The following ITCH variants were observed in gnomAD, a reference collection of about 807,000 sequenced individuals.
The protein encoded by ITCH is itchy E3 ubiquitin protein ligase.
A neutral mutation model predicts 126.8 loss-of-function variants in ITCH; 28 were observed. The observed-to-expected ratio is 0.22, with a 90% confidence interval of 0.16 to 0.30. The LOEUF is 0.30. Among genes scored for constraint, ITCH ranks in the 10% least tolerant of loss-of-function variants. The pLI, the probability that ITCH is intolerant of heterozygous loss-of-function variation, is 1.00. For synonymous variants in ITCH, 342 were observed against 340.0 expected (o/e 1.01, Z -0.06); for missense variants, 631 against 1,032.4 (o/e 0.61, Z 5.33).
At position 34,440,219 on chromosome 20, in the gene ITCH, G is replaced by A. The variant is rs375751829; in HGVS notation, c.744G>A (p.Pro248=). 14 of 1,613,350 alleles carry A rather than the reference G, an allele frequency of 8.7e-6. No homozygotes were observed. The highest frequency in any genetic ancestry group is 1.3e-5 in the African/African-American group (1 of 74,896). ...ATGGGTCTAGTACAGGCTCTCTGCC[G>A]CCGACAAATACAAATACAAATACAT... ...ESDGSSTGSL[P]PTNTNTNTSE... is the part of the protein sequence containing the mutation. The change falls in exon 9 of 25, where the codon CCG becomes CCA. Residue 248 remains proline (P), a synonymous_variant. Coordinates refer to ENST00000374864, the MANE Select transcript of ITCH (RefSeq NM_031483.7).
At chr20:34,444,751 C>T (rs1249254036) in intron 10 of ITCH, among the ~76,000 whole-genome samples, 3 of 152,158 alleles carry the variant, frequency 2.0e-5, no homozygotes, top group African/African-American at 4.8e-5. Flanking sequence ...AAGCAGTTCT[C>T]CTGCTCAGCG....
intron 14 of ITCH, among the ~76,000 whole-genome samples, chr20:34,463,633 A>G (rs755006077): frequency 4.8e-5 from 7 of 146,212 alleles, no homozygotes; most frequent in Non-Finnish European, 1.1e-4. Flanking sequence ...TCATCATCAT[A>G]TTTTTTTTTA....
At chr20:34,385,212 TGTGTGTGTGG>T (rs1227734296) in intron 2 of ITCH, among the ~76,000 whole-genome samples, 4 of 141,492 alleles carry the variant, frequency 2.8e-5, no homozygotes, top group Admixed American at 7.3e-5. Flanking sequence ...TGTGTGTGTG[TGTGTGTGTGG>T]TTTTTTTTTT....
At chr20:34,443,898 A>G (rs1171415466) in intron 10 of ITCH, among the ~76,000 whole-genome samples, 1 of 152,098 alleles carries the variant, frequency 6.6e-6, no homozygotes, top group East Asian at 1.9e-4. Context: ...AAGTGGGAGG[A>G]TCTGTTGAGC....
intron 7 of ITCH, among the ~76,000 whole-genome samples, chr20:34,426,540 G>A (rs948736784): frequency 6.6e-6 from 1 of 151,818 alleles, no homozygotes; most frequent in Non-Finnish European, 1.5e-5. Context: ...CCATCTCCCG[G>A]GTTCAAGCGA....
intron 2 of ITCH, among the ~76,000 whole-genome samples, chr20:34,375,475 C>G (rs1475945457): frequency 3.3e-5 from 5 of 151,426 alleles, no homozygotes; most frequent in African/African-American, 1.2e-4. Context: ...TGGCTCATGC[C>G]ATAATCCCAG....
rs1051458497 is a variant in ITCH at position 34,486,895 on chromosome 20, T to G, written c.2094-2371T>G. 1.5e-4 allele frequency among the ~76,000 whole-genome samples: 22 copies of G among 151,580 alleles called. 1 individual carries two copies. The highest frequency in any genetic ancestry group is 4.8e-4 in the African/African-American group (20 of 41,238). On this transcript the variant is annotated intron_variant, in intron 20 of 24. Coordinates refer to ENST00000374864, the MANE Select transcript of ITCH (RefSeq NM_031483.7). Reference sequence around the variant, plus strand: ...TGGGGTTTCACCGTGTTGCCCAGGCTGGTCTTGAACTCCTGTGCTCAAGGG... The same window carrying G: ...TGGGGTTTCACCGTGTTGCCCAGGCGGGTCTTGAACTCCTGTGCTCAAGGG...
intron 7 of ITCH, among the ~76,000 whole-genome samples, chr20:34,428,084 T>C (rs1981786890): frequency 6.6e-6 from 1 of 152,232 alleles, no homozygotes; most frequent in Non-Finnish European, 1.5e-5. Context: ...TTTGAGTATG[T>C]CTTTTGTGTT....
chr20:34,478,836 A>G (rs1343126373), intron 17 of ITCH, among the ~76,000 whole-genome samples: 1 of 152,204 alleles, frequency 6.6e-6, no homozygotes, highest in East Asian at 1.9e-4. Flanking sequence ...TATAAGTTAA[A>G]GGCAATTGAA....
chr20:34,456,216 T>A (rs6058048), intron 12 of ITCH, among the ~76,000 whole-genome samples: 33 of 27,420 alleles, frequency 1.2e-3, no homozygotes, highest in South Asian at 2.4e-3. Flanking sequence ...ATATATATAT[T>A]TTTTTTTTTT....
chr20:34,378,112 C>T lies in ITCH; in HGVS notation c.-22+8642C>T, dbSNP rs533094301. 1.6e-3 allele frequency among the ~76,000 whole-genome samples: 233 copies of T among 150,314 alleles called. 1 individual carries two copies. The highest frequency in any genetic ancestry group is 0.014 in the Middle Eastern group (4 of 284). On this transcript the variant is annotated intron_variant, in intron 2 of 24. Coordinates refer to ENST00000374864, the MANE Select transcript of ITCH (RefSeq NM_031483.7). ...TTATTTTAGAGACTATAGTCTTTTT[C>T]GCAAGTAAGCTGAATAGTGTGTTAG... is the stretch of plus-strand genomic sequence containing the variant.
In ITCH at chr20:34,507,263, G is replaced by GTT. The variant is rs776161631; in HGVS notation, c.2490-407_2490-406dup. 9.3e-3 allele frequency among the ~76,000 whole-genome samples: 365 copies of GTT among 39,068 alleles called. 14 individuals are homozygous for GTT. The highest frequency in any genetic ancestry group is 0.019 in the African/African-American group (179 of 9,224). 25.6% of individuals were successfully genotyped at this position (39,068 alleles called of 152,430 possible). On this transcript the variant is annotated intron_variant, in intron 24 of 24. Transcript: ENST00000374864. ...TCCTTTTCAACTCTTGTTTTCTTCTGTTTTTTTTTTTTTTTTTTTTTTTTT... is the reference window on the plus strand; with the variant it reads ...TCCTTTTCAACTCTTGTTTTCTTCTGTTTTTTTTTTTTTTTTTTTTTTTTTTT...
intron 7 of ITCH, among the ~76,000 whole-genome samples, chr20:34,428,758 A>G (rs2146240026): frequency 6.6e-6 from 1 of 151,844 alleles, no homozygotes; most frequent in Non-Finnish European, 1.5e-5. Flanking sequence ...TTGAACATTT[A>G]TGACCTGATT....
At chr20:34,450,898 A>G (rs1196434528) in intron 12 of ITCH, 3 of 152,220 alleles carry the variant, frequency 2.0e-5, no homozygotes, top group Non-Finnish European at 4.4e-5. Context: ...AAAGGTATCT[A>G]TTCTCAAAAC....
At chr20:34,464,802 C>T (rs1394895509) in intron 14 of ITCH, among the ~76,000 whole-genome samples, 1 of 152,088 alleles carries the variant, frequency 6.6e-6, no homozygotes, top group East Asian at 1.9e-4. Flanking sequence ...CCTCTACCGC[C>T]TGGGTTGAAG....
chr20:34,412,445 G>A (rs1754804309), intron 4 of ITCH, 70 bp from the exon 5 acceptor site: 4 of 1,216,210 alleles, frequency 3.3e-6, no homozygotes, highest in South Asian at 1.3e-5. Context: ...AAACTGAATT[G>A]TAATTTATTT....
At chr20:34,450,246 C>G (rs1985029623) in intron 12 of ITCH, among the ~76,000 whole-genome samples, 1 of 152,102 alleles carries the variant, frequency 6.6e-6, no homozygotes, top group South Asian at 2.1e-4. Context: ...ATATGTGAGA[C>G]TTTTTGTGCA....
rs115792429 is a variant in ITCH, at chr20:34,402,870, A to G, written c.71-5781A>G. ...AGAAATTTCTTATATTCTCGTCTTT[A>G]CTCCAAATTAAGAAAGAGATGTCAT... On this transcript the variant is annotated intron_variant, in intron 3 of 24. Transcript: ENST00000374864. Among the ~76,000 whole-genome samples the G allele has an allele frequency of 2.4e-3, 371 of 152,246 alleles. 2 individuals are homozygous for G. The highest frequency in any genetic ancestry group is 8.6e-3 in the African/African-American group (357 of 41,522).
At chr20:34,440,117 G>T in intron 8 of ITCH, 38 bp from the exon 9 acceptor site, 1 of 1,437,184 alleles carries the variant, frequency 7.0e-7, no homozygotes. Flanking sequence ...TTTAGAAAAT[G>T]AAAGATTCTT....
Sources: allele counts gnomAD v4.1 joint callset (sites outside exome capture counted in the v4.1 genomes callset), GRCh38; gene constraint gnomAD v4.1.1; transcripts MANE v1.5; gene names NCBI Gene and HGNC (gene_info 2026-07-23, HGNC 2026-07-21).